FBXO27: variants seen among roughly 807,000 people sequenced by gnomAD.
The protein encoded by FBXO27 is F-box only protein 27.
FBXO27 carries 28 observed loss-of-function variants against 28.3 expected under a neutral mutation model. The ratio of observed to expected loss-of-function variants is 0.99; its 90% CI spans 0.73 to 1.36. The LOEUF (loss-of-function observed/expected upper bound fraction) is 1.36, where lower values mean the gene tolerates loss of function less well. FBXO27 is among the 40% of genes most tolerant of loss of function. FBXO27 has a pLI of 0.00. For synonymous variants in FBXO27, 175 were observed against 167.3 expected (o/e 1.05, Z -0.36); for missense variants, 388 against 394.1 (o/e 0.98, Z 0.13).
chr19:39,030,944 G>A (rs1451494866), intron 4 of FBXO27, 85 bp downstream of exon 4: 1 of 1,104,542 alleles, frequency 9.1e-7, no homozygotes, highest in African/African-American at 1.5e-5. Flanking sequence ...GAGGGGTTAG[G>A]AGGCCTAAAT....
At chr19:39,009,934 C>T (rs4803181) in intron 2 of FBXO27, among the ~76,000 whole-genome samples, 4 of 151,456 alleles carry the variant, frequency 2.6e-5, no homozygotes, top group Middle Eastern at 3.2e-3. Flanking sequence ...CTCAGCCTCC[C>T]GAGTAGCTGG....
chr19:39,031,354 A>G lies in FBXO27; in HGVS notation c.365-34T>C, dbSNP rs369952231. 1.1e-4 allele frequency: 176 copies of G among 1,606,380 alleles called. 1 individual carries two copies. The highest frequency in any genetic ancestry group is 1.5e-4 in the Non-Finnish European group (175 of 1,174,310). On this transcript the variant is annotated intron_variant, in intron 2 of 5. Coordinates refer to ENST00000292853, the MANE Select transcript of FBXO27 (RefSeq NM_178820.5). ...TAAAAAAGGCTTGTGCCCAAGTTCCAGTCGCCCGCCTGTTGGTTCCTAGTG... is the reference window on the plus strand; with the variant it reads ...TAAAAAAGGCTTGTGCCCAAGTTCCGGTCGCCCGCCTGTTGGTTCCTAGTG...
At chr19:39,009,636 T>C (rs1381492927) in intron 2 of FBXO27, among the ~76,000 whole-genome samples, 1 of 152,152 alleles carries the variant, frequency 6.6e-6, no homozygotes, top group East Asian at 1.9e-4. Context: ...ATTTGAAAAC[T>C]GAGTTGCTTA....
At chr19:39,009,973 C>T (rs1009870075) in intron 2 of FBXO27, among the ~76,000 whole-genome samples, 18 of 151,924 alleles carry the variant, frequency 1.2e-4, no homozygotes, top group Non-Finnish European at 1.9e-4. Context: ...CCACTCCTGG[C>T]TAATTTTTAT....
At chr19:39,006,376 G>A (rs1031157377) in intron 2 of FBXO27, among the ~76,000 whole-genome samples, 2 of 152,010 alleles carry the variant, frequency 1.3e-5, no homozygotes, top group African/African-American at 4.8e-5. Context: ...CAACCAACAT[G>A]GAGAAACCCC....
chr19:39,006,955 C>A lies in FBXO27; in HGVS notation c.252+7432G>T, dbSNP rs1202852825. ...AGGCATGGTGGTGTGCGCCTATAGT[C>A]ACAGCTCCTTGGGAGGCTGAGGTGG... On this transcript the variant is annotated intron_variant, in intron 2 of 2. Transcript: ENST00000598394. Among the ~76,000 whole-genome samples, 7 of 149,464 alleles carry A rather than the reference C, an allele frequency of 4.7e-5. No homozygotes were observed. In the East Asian group the frequency reaches 1.4e-3, roughly 30 times the overall value.
At chr19:39,019,068 CAAAAAA>C (rs71167615), downstream of FBXO27, among the ~76,000 whole-genome samples, 1 of 124,450 alleles carries the variant, frequency 8.0e-6, no homozygotes, top group Admixed American at 8.3e-5. Context: ...GACTCTATCA[CAAAAAA>C]AAAAAAAAAA....
At chr19:39,026,327 C>T (rs1464517381) in intron 5 of FBXO27, among the ~76,000 whole-genome samples, 2 of 152,138 alleles carry the variant, frequency 1.3e-5, no homozygotes, top group Non-Finnish European at 2.9e-5. Context: ...CCAACAGCTA[C>T]ACACATACTA....
chr19:39,016,991 A>C (rs563770031), intron 1 of FBXO27, among the ~76,000 whole-genome samples: 1 of 152,162 alleles, frequency 6.6e-6, no homozygotes, highest in Admixed American at 6.6e-5. Flanking sequence ...AGGCTGAAGC[A>C]GGAGGATCAT....
At chr19:39,019,148 A>G (rs78930885), downstream of FBXO27, among the ~76,000 whole-genome samples, 17,310 of 146,606 alleles carry the variant, frequency 0.12, 1,152 homozygotes, top group African/African-American at 0.15. Context: ...ATACTTGCCG[A>G]GCACGGTAGC....
At chr19:39,016,533 C>T (rs893130274) in intron 1 of FBXO27, among the ~76,000 whole-genome samples, 5 of 143,540 alleles carry the variant, frequency 3.5e-5, no homozygotes, top group Middle Eastern at 3.3e-3. Flanking sequence ...GGGAAGATAA[C>T]TTGAACTCAG....
At chr19:39,012,657 C>T (rs2072801425) in intron 2 of FBXO27, among the ~76,000 whole-genome samples, 1 of 151,162 alleles carries the variant, frequency 6.6e-6, no homozygotes, top group Non-Finnish European at 1.5e-5. Context: ...TTGTTACCAG[C>T]TTATATATCA....
chr19:39,019,683 G>C (rs2072836565), downstream of FBXO27, among the ~76,000 whole-genome samples: 1 of 152,058 alleles, frequency 6.6e-6, no homozygotes, highest in African/African-American at 2.4e-5. Context: ...TGGGTTCCCA[G>C]GTGCCAATGA....
intron 1 of FBXO27, among the ~76,000 whole-genome samples, chr19:39,017,251 C>CA (rs1491481253): frequency 6.6e-6 from 1 of 152,122 alleles, no homozygotes; most frequent in Non-Finnish European, 1.5e-5. Context: ...TTCCAATACT[C>CA]AGAGAATTTA....
At chr19:39,025,616 A>G (rs2072868992) in intron 5 of FBXO27, 62 bp from the exon 6 acceptor site, 13 of 1,538,814 alleles carry the variant, frequency 8.4e-6, no homozygotes, top group Non-Finnish European at 1.1e-5. Context: ...AGCTGAGGTT[A>G]GGGCCTTCTG....
At chr19:39,021,116 G>A (rs374119048), downstream of FBXO27, among the ~76,000 whole-genome samples, 21 of 152,250 alleles carry the variant, frequency 1.4e-4, no homozygotes, top group South Asian at 3.9e-3. Context: ...AAAGTGCTGG[G>A]ATTACAGATG....
Position 39,025,476 on chromosome 19 carries a change from A to C in FBXO27, c.787T>G (p.Trp263Gly). ...FEHRGQDTQF[W>G]AGHYGARVTN... ...ACACGGGCTCCATAGTGGCCAGCCC[A>C]GAACTGTGTGTCCTGGCCCCGGTGT... Residue 263 changes from tryptophan to glycine, a missense_variant, in exon 6 of 6, where the codon TGG becomes GGG. By Grantham distance (184) the Trp-to-Gly change is radical. Transcript: ENST00000292853. 1 of 1,614,180 alleles carries C rather than the reference A, an allele frequency of 6.2e-7. No individual in the cohort carries two copies. Among genetic ancestry groups the C allele is most frequent in the Middle Eastern group, 1.6e-4 (1 of 6,062 alleles).
chr19:39,020,879 G>T (rs1358483894), downstream of FBXO27, among the ~76,000 whole-genome samples: 1 of 151,474 alleles, frequency 6.6e-6, no homozygotes, highest in East Asian at 1.9e-4. Context: ...CCCTGAGATG[G>T]AGTCTCGCTC....
At chr19:39,010,470 C>T (rs2072789482) in intron 2 of FBXO27, among the ~76,000 whole-genome samples, 1 of 152,156 alleles carries the variant, frequency 6.6e-6, no homozygotes, top group Admixed American at 6.6e-5. Flanking sequence ...ATTTATGTCT[C>T]TCCTTATGAG....
Sources: allele counts gnomAD v4.1 joint callset (sites outside exome capture counted in the v4.1 genomes callset), GRCh38; gene constraint gnomAD v4.1.1; transcripts MANE v1.5; gene names NCBI Gene and HGNC (gene_info 2026-07-23, HGNC 2026-07-21).